Variants in FOXP1 observed in about 807,000 individuals in gnomAD.
FOXP1 encodes the protein forkhead box P1.
Under a neutral mutation model 98.2 loss-of-function variants are expected in FOXP1, and 15 were observed. That is an observed-to-expected ratio of 0.15 (90% CI 0.10 to 0.24). FOXP1 has a LOEUF of 0.24. FOXP1 is among the 10% of genes least tolerant of loss of function. The pLI is 1.00. For synonymous variants in FOXP1, 371 were observed against 314.5 expected (o/e 1.18, Z -1.90); for missense variants, 633 against 848.5 (o/e 0.75, Z 3.15).
intron 11 of FOXP1, among the ~76,000 whole-genome samples, chr3:71,039,193 A>G: frequency 6.6e-6 from 1 of 152,048 alleles, no homozygotes; most frequent in East Asian, 1.9e-4. Context: ...ACAATTGGAA[A>G]ACTCAGCCTG....
At chr3:71,322,243 AAAAAC>A (rs2075431330) in intron 4 of FOXP1, among the ~76,000 whole-genome samples, 1 of 152,266 alleles carries the variant, frequency 6.6e-6, no homozygotes, top group Non-Finnish European at 1.5e-5. Flanking sequence ...CTGGGCTATG[AAAAAC>A]AGTAGTCATT....
At chr3:70,983,837 C>T (rs1247258879) in intron 14 of FOXP1, among the ~76,000 whole-genome samples, 1 of 152,170 alleles carries the variant, frequency 6.6e-6, no homozygotes, top group East Asian at 1.9e-4. Flanking sequence ...ATATCACAGA[C>T]ATGTTTCTTT....
intron 7 of FOXP1, among the ~76,000 whole-genome samples, chr3:71,105,645 T>C (rs831438): frequency 0.96 from 145,613 of 152,162 alleles, 69,681 homozygotes; most frequent in East Asian, 0.97. Flanking sequence ...ATGATTATAA[T>C]AAACTAGTCC....
intron 20 of FOXP1, 98 bp from the exon 21 acceptor site, chr3:70,959,489 G>C: frequency 1.5e-6 from 2 of 1,296,684 alleles, no homozygotes; most frequent in Non-Finnish European, 2.2e-6. Context: ...CCGCACTCTA[G>C]AACTAGAACT....
chr3:71,224,982 T>C (rs2065720306), intron 5 of FOXP1, among the ~76,000 whole-genome samples: 1 of 152,186 alleles, frequency 6.6e-6, no homozygotes, highest in Non-Finnish European at 1.5e-5. Context: ...GATGAATGAA[T>C]GATAGAATAT....
chr3:71,363,905 G>T (rs923656641), intron 3 of FOXP1, among the ~76,000 whole-genome samples: 5 of 152,146 alleles, frequency 3.3e-5, no homozygotes, highest in Admixed American at 3.3e-4. Context: ...TGGATCGTGG[G>T]CGCAGAGATC....
rs537217251 is a variant in FOXP1, at chr3:71,089,352, C to T, written c.282+23184G>A. Among the ~76,000 whole-genome samples the T allele has an allele frequency of 1.2e-4, 18 of 152,204 alleles. No individual in the cohort carries two copies. In the South Asian group the frequency reaches 1.5e-3, roughly 12 times the overall value. ...GGCCTCCTGCTGACAGCCATGTGAG[C>T]GAGCCATCTTGGAAGCGGCTCCCCT... On this transcript the variant is annotated intron_variant, in intron 7 of 20. Transcript: ENST00000649528.
At chr3:71,387,522 C>T (rs1254910667) in intron 3 of FOXP1, among the ~76,000 whole-genome samples, 4 of 152,346 alleles carry the variant, frequency 2.6e-5, no homozygotes, top group Admixed American at 2.6e-4. Flanking sequence ...GCCATCATAA[C>T]AAGTTTTAGC....
intron 12 of FOXP1, among the ~76,000 whole-genome samples, chr3:71,010,665 C>G (rs2043457933): frequency 6.6e-6 from 1 of 152,062 alleles, no homozygotes; most frequent in African/African-American, 2.4e-5. Flanking sequence ...TATCAATTTG[C>G]CTAAACCATA....
chr3:71,179,285 C>T (rs1247463127), intron 6 of FOXP1, among the ~76,000 whole-genome samples: 5 of 151,796 alleles, frequency 3.3e-5, no homozygotes, highest in South Asian at 4.2e-4. Context: ...CCTGCCACCA[C>T]GCCCAGCTAA....
chr3:71,406,958 G>GGAAA (rs554262665), intron 3 of FOXP1, among the ~76,000 whole-genome samples: 7 of 151,970 alleles, frequency 4.6e-5, no homozygotes, highest in Admixed American at 3.3e-4. Flanking sequence ...GCTTATGGAG[G>GGAAA]GAAAGAAAGA....
chr3:71,487,873 A>C (rs994428727), intron 3 of FOXP1, among the ~76,000 whole-genome samples: 6 of 152,240 alleles, frequency 3.9e-5, no homozygotes, highest in Admixed American at 3.9e-4. Context: ...TCATATTCTC[A>C]TTCCTAGACT....
At chr3:71,162,642 G>A (rs1366378432) in intron 6 of FOXP1, among the ~76,000 whole-genome samples, 1 of 152,226 alleles carries the variant, frequency 6.6e-6, no homozygotes, top group African/African-American at 2.4e-5. Context: ...GATAGAGACA[G>A]GAGGCACAGA....
chr3:71,317,101 C>T (rs2075123855), intron 4 of FOXP1, among the ~76,000 whole-genome samples: 2 of 152,214 alleles, frequency 1.3e-5, no homozygotes, highest in South Asian at 4.1e-4. Flanking sequence ...GAAATTCTAA[C>T]AGCTCCTACT....
At chr3:71,340,809 A>G (rs2076967314) in intron 4 of FOXP1, among the ~76,000 whole-genome samples, 1 of 152,338 alleles carries the variant, frequency 6.6e-6, no homozygotes, top group Non-Finnish European at 1.5e-5. Context: ...GTCTCCATCA[A>G]TGTCAGGGAG....
At chr3:71,289,625 T>C (rs1485788134) in intron 5 of FOXP1, 1 of 152,182 alleles carries the variant, frequency 6.6e-6, no homozygotes, top group Non-Finnish European at 1.5e-5. Context: ...TGACTAAAAC[T>C]TTTAATGGTG....
intron 2 of FOXP1, chr3:71,570,341 G>C (rs975498667): frequency 3.3e-5 from 5 of 150,554 alleles, no homozygotes; most frequent in Non-Finnish European, 5.9e-5. Flanking sequence ...GGATTATTTT[G>C]AAAACTTTTT....
At chr3:71,308,763 G>A (rs1034618642) in intron 4 of FOXP1, among the ~76,000 whole-genome samples, 22 of 67,380 alleles carry the variant, frequency 3.3e-4, no homozygotes, top group African/African-American at 9.5e-4. Context: ...GTGTGTGTGT[G>A]TGTGTGTGTG....
At chr3:70,980,115 A>C (rs955866664) in intron 14 of FOXP1, among the ~76,000 whole-genome samples, 2 of 152,124 alleles carry the variant, frequency 1.3e-5, no homozygotes, top group Non-Finnish European at 2.9e-5. Flanking sequence ...TGGCTTTCTG[A>C]CACACATTTG....
Sources: allele counts gnomAD v4.1 joint callset (sites outside exome capture counted in the v4.1 genomes callset), GRCh38; gene constraint gnomAD v4.1.1; transcripts MANE v1.5; gene names NCBI Gene and HGNC (gene_info 2026-07-23, HGNC 2026-07-21).